Variants in NAA35 observed in about 807,000 individuals in gnomAD.
NAA35 encodes MAK10 homolog, amino-acid N-acetyltransferase subunit.
Under a neutral mutation model 101.7 loss-of-function variants are expected in NAA35, and 18 were observed. That is an observed-to-expected ratio of 0.18 (90% confidence interval 0.12 to 0.26). The LOEUF is 0.26. NAA35 is among the 10% of genes least tolerant of loss of function. The pLI is 1.00. For missense variants in NAA35, 601 were observed against 886.8 expected, an observed-to-expected ratio of 0.68 and a Z score of 4.09; for synonymous variants, 267 against 273.1, an observed-to-expected ratio of 0.98 and a Z score of 0.22.
At chr9:85,968,365 C>T (rs1352720510) in intron 6 of NAA35, among the ~76,000 whole-genome samples, 4 of 152,160 alleles carry the variant, frequency 2.6e-5, no homozygotes, top group African/African-American at 9.7e-5. Flanking sequence ...CACCCACCAC[C>T]ACACCTGGCT....
intron 16 of NAA35, 147 bp downstream of exon 16, chr9:86,013,291 A>G (rs2149546): frequency 0.044 from 20,866 of 470,106 alleles, 2,854 homozygotes; most frequent in East Asian, 0.4. Flanking sequence ...TCTTACACCA[A>G]CGTTTACAAA....
At chr9:85,949,325 A>T (rs1587552848) in intron 2 of NAA35, among the ~76,000 whole-genome samples, 4 of 129,522 alleles carry the variant, frequency 3.1e-5, no homozygotes, top group African/African-American at 6.1e-5. Flanking sequence ...ACAGAGTTTC[A>T]CTCTTGTTGC....
chr9:85,994,893 G>A (rs1400624414), intron 11 of NAA35, among the ~76,000 whole-genome samples: 1 of 152,114 alleles, frequency 6.6e-6, no homozygotes, highest in East Asian at 1.9e-4. Flanking sequence ...AATGTTACCA[G>A]TACAAAGAAG....
intron 13 of NAA35, 34 bp downstream of exon 13, chr9:86,003,678 A>C: frequency 7.8e-7 from 1 of 1,278,014 alleles, no homozygotes. Flanking sequence ...TACTTATTTA[A>C]ACATTATATG....
At chr9:85,999,974 C>A (rs1037919478) in intron 12 of NAA35, among the ~76,000 whole-genome samples, 1 of 151,960 alleles carries the variant, frequency 6.6e-6, no homozygotes, top group African/African-American at 2.4e-5. Context: ...AGATAAATTT[C>A]TTTAAAAAAA....
chr9:86,015,540 A>G (rs943740169), intron 17 of NAA35: 2 of 181,364 alleles, frequency 1.1e-5, no homozygotes, highest in African/African-American at 4.8e-5. Context: ...AGTTCCTAGA[A>G]TTCCTGACCT....
intron 8 of NAA35, 76 bp downstream of exon 8, chr9:85,975,233 G>A (rs1639874840): frequency 2.8e-6 from 4 of 1,425,484 alleles, no homozygotes; most frequent in Non-Finnish European, 2.9e-6. Flanking sequence ...AATTAAAAAT[G>A]TGTAGAACCA....
At chr9:85,975,540 A>G (rs1233881743) in intron 8 of NAA35, among the ~76,000 whole-genome samples, 2 of 152,164 alleles carry the variant, frequency 1.3e-5, no homozygotes, top group East Asian at 1.9e-4. Flanking sequence ...TAGATTACTT[A>G]TAATATTTAA....
intron 5 of NAA35, among the ~76,000 whole-genome samples, chr9:85,961,680 C>G (rs1399473592): frequency 1.3e-5 from 2 of 152,074 alleles, no homozygotes; most frequent in African/African-American, 4.8e-5. Flanking sequence ...GTCTAAGGAT[C>G]TGGTTAGTTC....
intron 21 of NAA35, among the ~76,000 whole-genome samples, chr9:86,019,766 T>C (rs769247900): frequency 6.6e-6 from 1 of 152,240 alleles, no homozygotes; most frequent in Non-Finnish European, 1.5e-5. Context: ...GCAGTGTTTG[T>C]CAAAAATCAT....
intron 2 of NAA35, among the ~76,000 whole-genome samples, chr9:85,942,779 C>CT (rs1284359249): frequency 2.0e-5 from 3 of 152,152 alleles, no homozygotes; most frequent in Admixed American, 1.3e-4. Context: ...AGTCACAGGT[C>CT]TTTTTTATCT....
chr9:86,004,362 C>T (rs1831540896), intron 13 of NAA35, among the ~76,000 whole-genome samples: 1 of 152,042 alleles, frequency 6.6e-6, no homozygotes, highest in Non-Finnish European at 1.5e-5. Flanking sequence ...GTCTCAGCCT[C>T]CCAAAGTGCT....
intron 22 of NAA35, among the ~76,000 whole-genome samples, 168 bp downstream of exon 22, chr9:86,021,137 A>T (rs954856447): frequency 5.3e-5 from 8 of 152,186 alleles, no homozygotes; most frequent in Non-Finnish European, 1.5e-5. Context: ...TTGTCTTGAG[A>T]TGTGTATTTT....
chr9:85,980,875 G>T (rs1176701355), intron 11 of NAA35, among the ~76,000 whole-genome samples: 2 of 152,128 alleles, frequency 1.3e-5, no homozygotes, highest in African/African-American at 4.8e-5. Flanking sequence ...GAGAGGAAGA[G>T]AAATTTATAT....
intron 12 of NAA35, among the ~76,000 whole-genome samples, chr9:85,998,937 A>T (rs1831296314): frequency 6.6e-6 from 1 of 152,214 alleles, no homozygotes; most frequent in Non-Finnish European, 1.5e-5. Context: ...TTATACTCCC[A>T]GCATTTAGCA....
intron 6 of NAA35, among the ~76,000 whole-genome samples, chr9:85,969,402 A>T (rs1433834502): frequency 6.6e-6 from 1 of 152,026 alleles, no homozygotes; most frequent in South Asian, 2.1e-4. Flanking sequence ...TGTTATATAG[A>T]TGGACCTTCT....
chr9:86,011,942 AT>A (rs1175232630), intron 15 of NAA35, among the ~76,000 whole-genome samples: 1 of 142,212 alleles, frequency 7.0e-6, no homozygotes, highest in African/African-American at 2.6e-5. Context: ...ACTATAATAT[AT>A]AATATAGTAT....
Position 86,017,433 on chromosome 9 carries a change from T to C in NAA35, c.1706-65T>C, listed in dbSNP as rs1832283379. ...AGATTTTTTAAAATTAGATTTTCTT[T>C]TGCAGTAATGCAAGAGGGAGGAGGA... On this transcript the variant is annotated intron_variant, in intron 18 of 22. Coordinates refer to ENST00000361671, the MANE Select transcript of NAA35 (RefSeq NM_024635.4). 3.6e-5 allele frequency: 52 copies of C among 1,428,428 alleles called. 1 individual carries two copies. In the South Asian group the frequency reaches 4.7e-4, roughly 13 times the overall value. The allele number at this position is 1,428,428 out of a possible 1,614,324, so 88.5% of individuals were successfully genotyped here.
At chr9:85,989,583 A>G (rs1357493069) in intron 11 of NAA35, among the ~76,000 whole-genome samples, 5 of 152,230 alleles carry the variant, frequency 3.3e-5, no homozygotes, top group African/African-American at 1.2e-4. Flanking sequence ...AAATATTTTT[A>G]AACTAGCAAG....
Sources: allele counts gnomAD v4.1 joint callset (sites outside exome capture counted in the v4.1 genomes callset), GRCh38; gene constraint gnomAD v4.1.1; transcripts MANE v1.5; gene names NCBI Gene and HGNC (gene_info 2026-07-23, HGNC 2026-07-21).